SYT11: variants seen among roughly 807,000 people sequenced by gnomAD.
The protein encoded by SYT11 is synaptotagmin-11.
A neutral mutation model predicts 30.4 loss-of-function variants in SYT11; 12 were observed. That is an observed-to-expected ratio of 0.39 (90% confidence interval 0.25 to 0.64). The LOEUF is 0.64. Ranked by LOEUF, SYT11 falls within the 30% of genes least tolerant of loss-of-function variation. SYT11 has a pLI of 0.45. For missense variants in SYT11, 412 were observed against 552.0 expected (o/e 0.75, Z 2.54); for synonymous variants, 204 against 216.0 (o/e 0.94, Z 0.49).
intron 1 of SYT11, among the ~76,000 whole-genome samples, chr1:155,862,472 A>T (rs1465071692): frequency 6.6e-6 from 1 of 152,198 alleles, no homozygotes; most frequent in Non-Finnish European, 1.5e-5. Flanking sequence ...GGCCAGGGGG[A>T]ACAACTAGAT....
chr1:155,872,062 C>A (rs1029762671), intron 2 of SYT11, among the ~76,000 whole-genome samples: 6 of 151,694 alleles, frequency 4.0e-5, no homozygotes, highest in African/African-American at 9.7e-5. Flanking sequence ...CAGAAGGAGA[C>A]CCTGTCTCAA....
chr1:155,880,445 G>A lies in SYT11; in HGVS notation c.862-55G>A, dbSNP rs1341817549. The A allele has an allele frequency of 1.9e-5, 31 of 1,600,220 alleles. No homozygotes were observed. The East Asian group carries it at 5.8e-4, about 30-fold the overall frequency. On this transcript the variant is annotated intron_variant, in intron 2 of 3. Transcript: ENST00000368324. Reference sequence around the variant, plus strand: ...CTTCCCACTGCTCTGCACACTTTTTGTGCTCTGCCCTGCACCCTCTGCCAG... The same window carrying A: ...CTTCCCACTGCTCTGCACACTTTTTATGCTCTGCCCTGCACCCTCTGCCAG...
Position 155,880,526 on chromosome 1 carries a change from G to T in SYT11, c.888G>T (p.Gln296His), listed in dbSNP as rs1197174378. Residue 296 changes from glutamine (Q) to histidine (H), a missense_variant, in exon 3 of 4, where the codon CAG (glutamine) becomes CAT (histidine). Gln to His is a conservative substitution (Grantham distance 24). Transcript: ENST00000368324. Reference sequence around the variant, plus strand: ...AGTGCATCAGCAGAGGGGAGCTCCAGGTGTCTCTGTCATATCAGCCTGTGG... The same window carrying T: ...AGTGCATCAGCAGAGGGGAGCTCCATGTGTCTCTGTCATATCAGCCTGTGG... ...IQKCISRGEL[Q>H]VSLSYQPVAQ... 1 of 1,614,072 alleles carries T rather than the reference G, an allele frequency of 6.2e-7. No homozygotes were observed. Among genetic ancestry groups the T allele is most frequent in the Admixed American group, 1.7e-5 (1 of 60,014 alleles).
chr1:155,863,268 AC>A (rs2102553833), intron 1 of SYT11, among the ~76,000 whole-genome samples: 1 of 152,208 alleles, frequency 6.6e-6, no homozygotes, highest in East Asian at 1.9e-4. Flanking sequence ...AGACTGGGCA[AC>A]ATAGCACCTT....
intron 2 of SYT11, among the ~76,000 whole-genome samples, chr1:155,873,954 A>G (rs1214474732): frequency 6.6e-6 from 1 of 152,210 alleles, no homozygotes; most frequent in African/African-American, 2.4e-5. Flanking sequence ...TTCTGGCAAA[A>G]GGAAAAAGCC....
intron 2 of SYT11, among the ~76,000 whole-genome samples, chr1:155,879,805 G>A (rs1255905618): frequency 6.6e-6 from 1 of 152,244 alleles, no homozygotes; most frequent in Non-Finnish European, 1.5e-5. Flanking sequence ...TAATCCTTCT[G>A]ATAATGCTAT....
At chr1:155,864,031 C>T (rs775121167) in intron 1 of SYT11, among the ~76,000 whole-genome samples, 1 of 151,910 alleles carries the variant, frequency 6.6e-6, no homozygotes, top group East Asian at 1.9e-4. Flanking sequence ...CAGTAAGCTG[C>T]GATCATGCAT....
At chr1:155,859,895 TTC>T in intron 1 of SYT11, 100 bp downstream of exon 1, 1 of 1,168,388 alleles carries the variant, frequency 8.6e-7, no homozygotes. Context: ...GACCAGAGCC[TTC>T]AAAATGCCAG....
chr1:155,866,042 A>G (rs1672667212), intron 1 of SYT11, among the ~76,000 whole-genome samples: 1 of 151,608 alleles, frequency 6.6e-6, no homozygotes, highest in Non-Finnish European at 1.5e-5. Flanking sequence ...TGAGGGTCCA[A>G]TTTTTGTGGG....
At chr1:155,861,865 A>C (rs1672597647) in intron 1 of SYT11, among the ~76,000 whole-genome samples, 1 of 152,176 alleles carries the variant, frequency 6.6e-6, no homozygotes, top group East Asian at 1.9e-4. Context: ...TGATCTGCCT[A>C]CCTTGGCCTC....
At position 155,868,359 on chromosome 1, in the gene SYT11, G is replaced by A; in HGVS notation, c.429G>A (p.Glu143=). The stretch of plus-strand genomic sequence containing the variant: ...CTATTACAAGCCTGACCCCTGGGGA[G>A]AGCAAAACCACCTCTCCATCATCTC... ...RSPITSLTPG[E]SKTTSPSSPE... The change falls in exon 2 of 4, where the codon GAG becomes GAA. Residue 143 remains glutamate (E), a synonymous_variant. Coordinates refer to ENST00000368324, the MANE Select transcript of SYT11 (RefSeq NM_152280.5). This position sits in a 1 kb window ranked among gnomAD's most constrained non-coding sequence, Gnocchi z 4.7. The A allele has an allele frequency of 6.2e-7, 1 of 1,614,032 alleles. No individual in the cohort carries two copies. Among genetic ancestry groups the A allele is most frequent in the South Asian group, 1.1e-5 (1 of 91,068 alleles).
rs1395735733 is a variant in SYT11 at position 155,860,212 on chromosome 1, G to C, written c.34+417G>C. The stretch of plus-strand genomic sequence containing the variant: ...TCCCATTCCTAAGGGCTGCGGGGGA[G>C]GGAAGTGACAAGGGGGATGGGGCAT... On this transcript the variant is annotated intron_variant, in intron 1 of 3. Transcript: ENST00000368324. This position sits in a 1 kb window ranked among gnomAD's most constrained non-coding sequence, Gnocchi z 4.1. Among the ~76,000 whole-genome samples the C allele has an allele frequency of 2.0e-5, 3 of 152,230 alleles. No homozygotes were observed. Among genetic ancestry groups the C allele is most frequent in the African/African-American group, 7.2e-5 (3 of 41,462 alleles).
intron 2 of SYT11, among the ~76,000 whole-genome samples, chr1:155,875,314 C>G (rs1482339812): frequency 1.3e-5 from 2 of 150,908 alleles, no homozygotes; most frequent in South Asian, 4.2e-4. Flanking sequence ...TGGGGCTTCT[C>G]TCTAGCAGAG....
chr1:155,869,629 C>T (rs1331894286), intron 2 of SYT11, among the ~76,000 whole-genome samples: 1 of 152,082 alleles, frequency 6.6e-6, no homozygotes, highest in East Asian at 1.9e-4. Flanking sequence ...ATTGCTTCAC[C>T]CTTCTAGGCC....
rs750032967 is a variant in SYT11 at position 155,881,626 on chromosome 1, C to T, written c.*118C>T. ...TTTAGTTGTAGAAGAAAATTTCTTA[C>T]AAAACAAATTCCACAAAGAACACCC... On this transcript the variant is annotated 3_prime_UTR_variant, in exon 4 of 4. Coordinates refer to ENST00000368324, the MANE Select transcript of SYT11 (RefSeq NM_152280.5). 3 of 980,312 alleles carry T rather than the reference C, an allele frequency of 3.1e-6. No homozygotes were observed. The South Asian group carries it at 5.3e-5, about 17-fold the overall frequency. The allele number at this position is 980,312 out of a possible 1,614,324, so 60.7% of individuals were successfully genotyped here. A position where few individuals can be genotyped will look rare whatever the true frequency, so the allele number is the denominator to read the frequency against.
intron 1 of SYT11, among the ~76,000 whole-genome samples, chr1:155,865,419 G>A (rs1161644954): frequency 1.3e-5 from 2 of 152,012 alleles, no homozygotes; most frequent in South Asian, 4.1e-4. Flanking sequence ...CTTGCGGTTA[G>A]GAGTTCGAGA....
intron 1 of SYT11, among the ~76,000 whole-genome samples, chr1:155,863,461 T>A (rs1023714171): frequency 6.6e-6 from 1 of 151,640 alleles, no homozygotes; most frequent in African/African-American, 2.4e-5. Flanking sequence ...TCTAAAAAAA[T>A]AATAACAATA....
intron 2 of SYT11, among the ~76,000 whole-genome samples, chr1:155,874,826 G>A (rs1353500602): frequency 1.4e-5 from 2 of 147,122 alleles, no homozygotes; most frequent in African/African-American, 5.0e-5. Flanking sequence ...GGAGGCAGAG[G>A]TTGCAGTGAG....
rs761301950 is a variant in SYT11, at chr1:155,868,506, G to T, written c.576G>T (p.Gln192His). 14 of 1,614,110 alleles carry T rather than the reference G, an allele frequency of 8.7e-6. No individual in the cohort carries two copies. Among genetic ancestry groups the T allele is most frequent in the Non-Finnish European group, 1.2e-5 (14 of 1,180,012 alleles). ...TGCCAGTGATGGATGACCAGACCCAGGGATCTGACCCCTACATCAAAATGA... is the reference window on the plus strand; with the variant it reads ...TGCCAGTGATGGATGACCAGACCCATGGATCTGACCCCTACATCAAAATGA... ...HGLPVMDDQT[Q>H]GSDPYIKMTI... The change falls in exon 2 of 4, where the codon CAG becomes CAT. Residue 192 changes from glutamine (Q) to histidine (H), a missense_variant. Coordinates refer to ENST00000368324, the MANE Select transcript of SYT11 (RefSeq NM_152280.5). This position sits in a 1 kb window ranked among gnomAD's most constrained non-coding sequence, Gnocchi z 4.7.
Sources: gnomAD v4.1 joint callset for allele counts (sites outside exome capture counted in the v4.1 genomes callset) on GRCh38, gnomAD v4.1.1 for gene constraint, Gnocchi (gnomAD v3.1) non-coding constraint, MANE v1.5 for transcripts, NCBI Gene and HGNC (gene_info 2026-07-23, HGNC 2026-07-21) for gene names.